LPXN: variants seen among roughly 807,000 people sequenced by gnomAD.
LPXN encodes leupaxin.
In LPXN, 28 loss-of-function variants were observed where a neutral mutation model predicts 45.6. That is an observed-to-expected ratio of 0.61 (90% CI 0.45 to 0.84). The LOEUF (loss-of-function observed/expected upper bound fraction) is 0.84. LPXN is among the 40% of genes least tolerant of loss of function. The pLI, the probability that LPXN is intolerant of heterozygous loss-of-function variation, is 0.00. For missense variants in LPXN, 459 were observed against 475.0 expected (o/e 0.97, Z 0.31); for synonymous variants, 166 against 169.9 (o/e 0.98, Z 0.18).
At chr11:58,539,494 T>A (rs1177511883) in intron 7 of LPXN, among the ~76,000 whole-genome samples, 2 of 152,122 alleles carry the variant, frequency 1.3e-5, no homozygotes, top group Non-Finnish European at 2.9e-5. Context: ...TGATATATCT[T>A]GCTGTGCCAA....
At chr11:58,537,221 T>C (rs556284331) in intron 7 of LPXN, among the ~76,000 whole-genome samples, 9 of 152,374 alleles carry the variant, frequency 5.9e-5, no homozygotes, top group South Asian at 2.1e-4. Flanking sequence ...CATATGCTTA[T>C]TGCAGTACTA....
At chr11:58,543,404 C>T (rs79537939) in intron 7 of LPXN, among the ~76,000 whole-genome samples, 2,230 of 152,236 alleles carry the variant, frequency 0.015, 48 homozygotes, top group African/African-American at 0.051. Context: ...TTAACTTTTA[C>T]GTAAGAATCC....
intron 2 of LPXN, among the ~76,000 whole-genome samples, chr11:58,569,617 T>C (rs1044588583): frequency 2.6e-5 from 4 of 152,002 alleles, no homozygotes; most frequent in Non-Finnish European, 4.4e-5. Context: ...CTCAAACTCC[T>C]GGCTTCAAGT....
intron 7 of LPXN, among the ~76,000 whole-genome samples, chr11:58,529,669 AT>A (rs1447147522): frequency 6.6e-6 from 1 of 152,108 alleles, no homozygotes; most frequent in Admixed American, 6.5e-5. Context: ...AAAAAATTGA[AT>A]CAAATTGAAG....
chr11:58,529,891 C>T (rs1343196430), intron 7 of LPXN, among the ~76,000 whole-genome samples: 6 of 151,982 alleles, frequency 3.9e-5, no homozygotes, highest in Admixed American at 1.3e-4. Context: ...GAGGGCAAGC[C>T]GAAAAAGGGT....
Position 58,550,182 on chromosome 11 carries a change from G to A in LPXN, c.487-36C>T. ...AAATAAAGCCTGACACAGGAGGCCAGTTGAGTGCTCTACAGCCTACAGGTT... is the reference window on the plus strand; with the variant it reads ...AAATAAAGCCTGACACAGGAGGCCAATTGAGTGCTCTACAGCCTACAGGTT... On this transcript the variant is annotated intron_variant, in intron 5 of 8. Coordinates refer to ENST00000395074, the MANE Select transcript of LPXN (RefSeq NM_004811.3). 1.9e-6 allele frequency: 3 copies of A among 1,598,852 alleles called. No homozygotes were observed. The South Asian group carries it at 3.3e-5, about 18-fold the overall frequency.
intron 8 of LPXN, 56 bp downstream of exon 8, chr11:58,527,987 C>CA (rs1853277311): frequency 1.9e-6 from 3 of 1,571,482 alleles, no homozygotes; most frequent in Non-Finnish European, 2.6e-6. Flanking sequence ...CTCTTCCTCT[C>CA]AGAGAGGAGA....
At chr11:58,531,999 A>G (rs2515351) in intron 7 of LPXN, among the ~76,000 whole-genome samples, 151,213 of 152,316 alleles carry the variant, frequency 0.99, 75,065 homozygotes, top group Middle Eastern at 1. Flanking sequence ...GTGGGCCAGC[A>G]CGAGTTTCGG....
intron 7 of LPXN, among the ~76,000 whole-genome samples, chr11:58,536,603 A>G (rs1590757336): frequency 6.6e-6 from 1 of 152,190 alleles, no homozygotes; most frequent in South Asian, 2.1e-4. Context: ...GCATAGACAA[A>G]GACTTCATGA....
intron 3 of LPXN, among the ~76,000 whole-genome samples, chr11:58,559,290 A>G (rs1420128038): frequency 2.0e-5 from 3 of 152,146 alleles, no homozygotes; most frequent in Non-Finnish European, 4.4e-5. Context: ...GGCAGTATCT[A>G]TCAACATTTC....
At chr11:58,536,605 A>G (rs1009579872) in intron 7 of LPXN, among the ~76,000 whole-genome samples, 1 of 152,214 alleles carries the variant, frequency 6.6e-6, no homozygotes, top group African/African-American at 2.4e-5. Flanking sequence ...ATAGACAAAG[A>G]CTTCATGACT....
rs1853255751 is a variant in LPXN at position 58,527,430 on chromosome 11, G to C, written c.*24C>G. The C allele has an allele frequency of 6.2e-7, 1 of 1,610,034 alleles. No homozygotes were observed. The highest frequency in any genetic ancestry group is 1.7e-5 in the Admixed American group (1 of 59,904). ...TTGGTTTAAATTTTATAAGGAATCTGAAGAGGCTATGGATCAGTTGGCATT... is the reference window on the plus strand; with the variant it reads ...TTGGTTTAAATTTTATAAGGAATCTCAAGAGGCTATGGATCAGTTGGCATT... On this transcript the variant is annotated 3_prime_UTR_variant, in exon 9 of 9. Coordinates refer to ENST00000395074, the MANE Select transcript of LPXN (RefSeq NM_004811.3).
upstream of LPXN, chr11:58,577,880 T>C (rs145748816): frequency 2.4e-3 from 2,523 of 1,033,508 alleles, 59 homozygotes; most frequent in African/African-American, 0.038. Context: ...GAAAAGCAAC[T>C]TTATAATTCG....
At chr11:58,555,686 T>A (rs1854179111) in intron 3 of LPXN, among the ~76,000 whole-genome samples, 2 of 151,822 alleles carry the variant, frequency 1.3e-5, no homozygotes, top group Admixed American at 6.6e-5. Context: ...TAAATAATTC[T>A]TGGGATAAAA....
At chr11:58,559,075 G>A (rs1854296647) in intron 3 of LPXN, among the ~76,000 whole-genome samples, 1 of 151,738 alleles carries the variant, frequency 6.6e-6, no homozygotes, top group Non-Finnish European at 1.5e-5. Flanking sequence ...AAACTCAAAT[G>A]TTTATTACTA....
Position 58,554,928 on chromosome 11 carries a change from C to G in LPXN, c.231G>C (p.Glu77Asp). The G allele has an allele frequency of 1.2e-6, 2 of 1,613,574 alleles. No homozygotes were observed. Among genetic ancestry groups the G allele is most frequent in the Non-Finnish European group, 1.7e-6 (2 of 1,179,580 alleles). ...TAGAAGGTGGTGGTGATTCCTTTGGCTCTTGGGCTTCACTATAGAGGGAAA... is the reference window on the plus strand; with the variant it reads ...TAGAAGGTGGTGGTGATTCCTTTGGGTCTTGGGCTTCACTATAGAGGGAAA... ...QELNVYSEAQ[E>D]PKESPPPSKT... is the part of the protein sequence containing the mutation. The change falls in exon 4 of 9, where the codon GAG becomes GAC. Residue 77 changes from glutamate to aspartate, a missense_variant. Transcript: ENST00000395074.
chr11:58,545,346 A>G (rs762833810), intron 7 of LPXN, among the ~76,000 whole-genome samples: 2 of 152,088 alleles, frequency 1.3e-5, no homozygotes, highest in African/African-American at 2.4e-5. Flanking sequence ...AAATGTGCCT[A>G]TGTCCTGTTG....
chr11:58,578,278 T>C (rs1304611134), upstream of LPXN: 5 of 456,062 alleles, frequency 1.1e-5, no homozygotes, highest in East Asian at 4.4e-5. Flanking sequence ...AGGTAAACTC[T>C]AGACTGCGGA....
At chr11:58,535,086 G>A (rs575498646) in intron 7 of LPXN, among the ~76,000 whole-genome samples, 42 of 152,288 alleles carry the variant, frequency 2.8e-4, no homozygotes, top group African/African-American at 9.9e-4. Flanking sequence ...AATTCTACCA[G>A]AGGTACAAAA....
Sources: gnomAD v4.1 joint callset for allele counts (sites outside exome capture counted in the v4.1 genomes callset) on GRCh38, gnomAD v4.1.1 for gene constraint, MANE v1.5 for transcripts, NCBI Gene and HGNC (gene_info 2026-07-23, HGNC 2026-07-21) for gene names.